The following CNPY1 variants were observed in gnomAD, a reference collection of about 807,000 sequenced individuals.
CNPY1 encodes the protein canopy FGF signaling regulator 1, also known as protein canopy homolog 1.
A neutral mutation model predicts 14.4 loss-of-function variants in CNPY1; 14 were observed. That is an observed-to-expected ratio of 0.97 (90% CI 0.64 to 1.52). CNPY1 has a LOEUF of 1.52. Among genes scored for constraint, CNPY1 ranks in the 40% most tolerant of loss-of-function variants. The probability of loss-of-function intolerance (pLI) is 0.00; values close to 1 mark genes in which losing one functional copy is unlikely to be tolerated. For missense variants in CNPY1, 129 were observed against 131.5 expected, an observed-to-expected ratio of 0.98 and a Z score of 0.09; for synonymous variants, 43 against 46.5, an observed-to-expected ratio of 0.92 and a Z score of 0.31.
intron 2 of CNPY1, among the ~76,000 whole-genome samples, chr7:155,511,485 A>G (rs1230404954): frequency 1.3e-5 from 2 of 152,176 alleles, no homozygotes; most frequent in Admixed American, 6.5e-5. Flanking sequence ...ACAGTTCCCC[A>G]TGTTAAAACT....
intron 4 of CNPY1, among the ~76,000 whole-genome samples, chr7:155,504,692 ACACACAC>A: frequency 2.3e-5 from 1 of 44,214 alleles, no homozygotes; most frequent in East Asian, 8.4e-4. Context: ...ACCCCCCAAC[ACACACAC>A]ACACACACAC....
intron 4 of CNPY1, 54 bp from the exon 5 acceptor site, chr7:155,503,159 G>A (rs7804744): frequency 0.77 from 1,059,251 of 1,375,070 alleles, 409,754 homozygotes; most frequent in East Asian, 0.95. Flanking sequence ...ACTCCAGCCC[G>A]TTAAGTCATT....
chr7:155,531,968 T>C (rs1796944925), intron 2 of CNPY1, among the ~76,000 whole-genome samples: 1 of 152,224 alleles, frequency 6.6e-6, no homozygotes, highest in Admixed American at 6.5e-5. Context: ...TCACTCCCCC[T>C]GCGTGGATCA....
intron 2 of CNPY1, chr7:155,510,526 GAGCTGCTCTCA>G (rs1316742679): frequency 3.3e-5 from 5 of 152,202 alleles, no homozygotes; most frequent in African/African-American, 1.2e-4. Context: ...GCTTGATTTT[GAGCTGCTCTCA>G]AGGCCCAGGC....
chr7:155,517,594 G>T (rs908644317), intron 2 of CNPY1, among the ~76,000 whole-genome samples: 1 of 152,126 alleles, frequency 6.6e-6, no homozygotes, highest in African/African-American at 2.4e-5. Flanking sequence ...CACCCCACAC[G>T]CCAAGCAACA....
At chr7:155,534,330 CGTG>C (rs1563096066) in intron 2 of CNPY1, among the ~76,000 whole-genome samples, 10 of 79,256 alleles carry the variant, frequency 1.3e-4, no homozygotes, top group Non-Finnish European at 3.2e-4. Context: ...TGCACACACA[CGTG>C]CACAGAGGCA....
chr7:155,542,275 C>T (rs1675660034), intron 2 of CNPY1, among the ~76,000 whole-genome samples: 1 of 150,378 alleles, frequency 6.6e-6, no homozygotes, highest in African/African-American at 2.5e-5. Flanking sequence ...AAAGCAAGTC[C>T]TGCTTGGTCC....
chr7:155,519,409 T>C (rs2116711207), intron 2 of CNPY1, among the ~76,000 whole-genome samples: 1 of 152,176 alleles, frequency 6.6e-6, no homozygotes, highest in East Asian at 1.9e-4. Context: ...TGGTCCCAGC[T>C]ACTTGGGAGG....
intron 4 of CNPY1, among the ~76,000 whole-genome samples, 175 bp from the exon 5 acceptor site, chr7:155,503,280 T>C (rs1186028352): frequency 6.6e-6 from 1 of 152,160 alleles, no homozygotes; most frequent in East Asian, 1.9e-4. Flanking sequence ...AAGAAGGGTG[T>C]AATCTATTCC....
intron 2 of CNPY1, among the ~76,000 whole-genome samples, chr7:155,535,191 C>T (rs370611748): frequency 3.9e-5 from 6 of 152,350 alleles, no homozygotes; most frequent in African/African-American, 1.4e-4. Context: ...CTGCCTTTGC[C>T]TGGTCAGTAT....
intron 2 of CNPY1, among the ~76,000 whole-genome samples, chr7:155,534,300 C>G (rs1392858099): frequency 6.6e-6 from 1 of 152,004 alleles, no homozygotes; most frequent in Non-Finnish European, 1.5e-5. Context: ...CACACTCACA[C>G]GTGCATGCAC....
intron 2 of CNPY1, among the ~76,000 whole-genome samples, chr7:155,510,728 T>C (rs1796511158): frequency 6.6e-6 from 1 of 152,256 alleles, no homozygotes; most frequent in Non-Finnish European, 1.5e-5. Context: ...AGTAGCGTTC[T>C]ACTTACGCTT....
At chr7:155,525,545 C>T (rs749305465) in intron 2 of CNPY1, among the ~76,000 whole-genome samples, 16 of 147,950 alleles carry the variant, frequency 1.1e-4, no homozygotes, top group East Asian at 4.0e-4. Context: ...CAGAACATTG[C>T]GCTTCTGCTC....
At chr7:155,528,774 C>T (rs1276134052) in intron 2 of CNPY1, among the ~76,000 whole-genome samples, 2 of 152,152 alleles carry the variant, frequency 1.3e-5, no homozygotes, top group South Asian at 2.1e-4. Context: ...GAAAAAACAA[C>T]TTTGGGCTGG....
At chr7:155,503,157 C>G in intron 4 of CNPY1, 52 bp from the exon 5 acceptor site, 1 of 1,428,208 alleles carries the variant, frequency 7.0e-7, no homozygotes. Context: ...AGACTCCAGC[C>G]CGTTAAGTCA....
rs1175817089 is a variant in CNPY1, at chr7:155,502,399, A to G, written c.*669T>C. The G allele has an allele frequency of 2.4e-4, 36 of 152,244 alleles. No homozygotes were observed. The highest frequency in any genetic ancestry group is 2.4e-3 in the Admixed American group (36 of 15,290). The allele number at this position is 152,244 out of a possible 1,614,324, so 9.4% of individuals were successfully genotyped here. On this transcript the variant is annotated 3_prime_UTR_variant, in exon 5 of 5. Transcript: ENST00000636446. Reference sequence around the variant, plus strand: ...TAACACCTGATGCAATAATAAATCAACTTTCTAAGCCACTTAAACTCAGAA... The same window carrying G: ...TAACACCTGATGCAATAATAAATCAGCTTTCTAAGCCACTTAAACTCAGAA...
rs147758741 is a variant in CNPY1, at chr7:155,523,586, G to A, written c.100-14489C>T. ...ACCGGAGCAACACGGGGGCTGGGTC[G>A]GTGCCCCCAACACCCCTGCCACCCA... On this transcript the variant is annotated intron_variant, in intron 2 of 4. Transcript: ENST00000636446. Among the ~76,000 whole-genome samples the A allele has an allele frequency of 3.3e-3, 497 of 152,170 alleles. 2 individuals carry two copies. Among genetic ancestry groups the A allele is most frequent in the Admixed American group, 5.8e-3 (89 of 15,286 alleles).
chr7:155,538,015 A>G (rs1384517844), intron 2 of CNPY1, among the ~76,000 whole-genome samples: 1 of 152,234 alleles, frequency 6.6e-6, no homozygotes, highest in Admixed American at 6.5e-5. Flanking sequence ...TCCCTCCTGC[A>G]GTGAACAGAC....
intron 2 of CNPY1, among the ~76,000 whole-genome samples, chr7:155,531,792 G>C (rs1796941690): frequency 6.6e-6 from 1 of 152,216 alleles, no homozygotes; most frequent in Non-Finnish European, 1.5e-5. Context: ...GCCTAAGAGA[G>C]AGCCTGGGCA....
Sources: allele counts gnomAD v4.1 joint callset (sites outside exome capture counted in the v4.1 genomes callset), GRCh38; gene constraint gnomAD v4.1.1; transcripts MANE v1.5; gene names NCBI Gene and HGNC (gene_info 2026-07-23, HGNC 2026-07-21).